ASAH1: variants seen among roughly 807,000 people sequenced by gnomAD.
The protein encoded by ASAH1 is acid ceramidase.
ASAH1 carries 70 observed loss-of-function variants against 59.5 expected under a neutral mutation model. The observed-to-expected ratio is 1.18, with a 90% CI of 0.97 to 1.43. The LOEUF (loss-of-function observed/expected upper bound fraction) is 1.43, where lower values mean the gene tolerates loss of function less well. Among genes scored for constraint, ASAH1 ranks in the 40% most tolerant of loss-of-function variants. The pLI is 0.00. For missense variants in ASAH1, 660 were observed against 482.5 expected (o/e 1.37, Z -3.45); for synonymous variants, 213 against 166.5 (o/e 1.28, Z -2.15).
intron 5 of ASAH1, chr8:18,066,826 C>G (rs1799947492): frequency 4.2e-6 from 1 of 240,884 alleles, no homozygotes; most frequent in Non-Finnish European, 8.0e-6. Context: ...ACCCAAATAC[C>G]CTGTTGATAC....
rs947753778 is a variant in ASAH1 at position 18,057,520 on chromosome 8, G to A, written c.*14C>T. 1.9e-6 allele frequency: 3 copies of A among 1,583,450 alleles called. No homozygotes were observed. The highest frequency in any genetic ancestry group is 2.3e-5 in the East Asian group (1 of 43,468). On this transcript the variant is annotated 3_prime_UTR_variant, in exon 14 of 14. Coordinates refer to ENST00000637790, the MANE Select transcript of ASAH1 (RefSeq NM_177924.5). ...CATGTCTCAGAGGCCGCATTCTGTA[G>A]GCCAGACGTGTGCTCACCAACCTAT...
chr8:18,084,340 C>G, upstream of ASAH1: 1 of 1,416,310 alleles, frequency 7.1e-7, no homozygotes, highest in Non-Finnish European at 9.2e-7. Context: ...CCATCCCCCT[C>G]CCCCACCGCG....
In ASAH1 at chr8:18,083,885, G is replaced by C. The variant is rs972026125; in HGVS notation, c.78+96C>G. 30 of 1,534,224 alleles carry C rather than the reference G, an allele frequency of 2.0e-5. No individual in the cohort carries two copies. In the South Asian group the frequency reaches 2.5e-4, roughly 13 times the overall value. On this transcript the variant is annotated intron_variant, in intron 1 of 13. Transcript: ENST00000637790. ...CCCGTAAAGAAGCTGCCCAGCACGA[G>C]GTGTTCCTTGTACCCGCTCGCGCCG...
chr8:18,069,508 A>C (rs1453780474), intron 4 of ASAH1: 1 of 334,724 alleles, frequency 3.0e-6, no homozygotes, highest in Non-Finnish European at 5.6e-6. Flanking sequence ...TAGTGAACTC[A>C]CTACATAAAG....
In ASAH1 at chr8:18,065,202, A is replaced by C. The variant is rs996780024; in HGVS notation, c.383-671T>G. ...GTTATTTTATTATACATTTATAATA[A>C]TTTATAATAATTATATAAATTTACA... is the stretch of plus-strand genomic sequence containing the variant. On this transcript the variant is annotated intron_variant, in intron 5 of 13. Transcript: ENST00000637790. 10 of 151,476 alleles carry C rather than the reference A, an allele frequency of 6.6e-5. No homozygotes were observed. In the South Asian group the frequency reaches 1.5e-3, roughly 22 times the overall value. 9.4% of individuals were successfully genotyped at this position (151,476 alleles called of 1,614,324 possible).
intron 10 of ASAH1, 65 bp from the exon 11 acceptor site, chr8:18,059,768 A>G: frequency 6.9e-7 from 1 of 1,450,802 alleles, no homozygotes; most frequent in South Asian, 1.3e-5. Context: ...AACTTCATTT[A>G]TTTTTAAATT....
chr8:18,061,263 G>A (rs1044942163), intron 10 of ASAH1, 114 bp downstream of exon 10: 4 of 939,530 alleles, frequency 4.3e-6, no homozygotes, highest in Non-Finnish European at 6.5e-6. Context: ...GTTCACCTAA[G>A]AAATTCTGCA....
At chr8:18,079,179 A>G (rs1377964701) in intron 1 of ASAH1, among the ~76,000 whole-genome samples, 1 of 149,738 alleles carries the variant, frequency 6.7e-6, no homozygotes, top group Non-Finnish European at 1.5e-5. Flanking sequence ...AGGCTGAGGT[A>G]GGAGAATTGC....
intron 5 of ASAH1, 126 bp from the exon 6 acceptor site, chr8:18,064,657 G>C (rs1799857465): frequency 4.6e-6 from 3 of 656,646 alleles, no homozygotes; most frequent in South Asian, 3.6e-5. Flanking sequence ...GGCTGTGCTG[G>C]AACGGCCGGC....
chr8:18,077,293 T>C (rs966616198), intron 1 of ASAH1, among the ~76,000 whole-genome samples: 3 of 152,242 alleles, frequency 2.0e-5, no homozygotes, highest in Non-Finnish European at 4.4e-5. Flanking sequence ...TAAATAACCA[T>C]GAGCTTTAAA....
intron 2 of ASAH1, chr8:18,073,407 G>T: frequency 1.1e-6 from 1 of 937,934 alleles, no homozygotes; most frequent in Non-Finnish European, 1.6e-6. Context: ...GAGACTTAGT[G>T]TTTGCAATGT....
intron 3 of ASAH1, among the ~76,000 whole-genome samples, chr8:18,070,945 T>C (rs1292372708): frequency 6.6e-6 from 1 of 152,164 alleles, no homozygotes; most frequent in African/African-American, 2.4e-5. Context: ...TGGCGGCTCA[T>C]GCCTATAATC....
rs62497596 is a variant in ASAH1, at chr8:18,061,931, G to C, written c.649-191C>G. 0.011 allele frequency: 7,163 copies of C among 665,930 alleles called. 56 individuals are homozygous for C. Among genetic ancestry groups the C allele is most frequent in the Non-Finnish European group, 0.016 (5,918 of 381,726 alleles). 41.3% of individuals were successfully genotyped at this position (665,930 alleles called of 1,614,324 possible). ...TGATTCTAGTATGTGAGATAAGTAG[G>C]TGGGGTATCACTGGCAACGCTTTTT... is the stretch of plus-strand genomic sequence containing the variant. On this transcript the variant is annotated intron_variant, in intron 8 of 13. Transcript: ENST00000637790.
chr8:18,058,293 T>G (rs1295047505), intron 13 of ASAH1: 1 of 156,138 alleles, frequency 6.4e-6, no homozygotes, highest in Non-Finnish European at 1.4e-5. Context: ...TAGGGAGAGC[T>G]GTGGAGAAGG....
chr8:18,057,421 G>A lies in ASAH1; in HGVS notation c.*113C>T. 1.3e-6 allele frequency: 1 copy of A among 754,556 alleles called. No homozygotes were observed. The highest frequency in any genetic ancestry group is 2.2e-6 in the Non-Finnish European group (1 of 445,674). 46.7% of individuals were successfully genotyped at this position (754,556 alleles called of 1,614,324 possible). ...GACGAAGACAAGCTATTGACTCAAA[G>A]AGAACCTGCCGCGAGTCTTAGTCTT... On this transcript the variant is annotated 3_prime_UTR_variant, in exon 14 of 14. Coordinates refer to ENST00000637790, the MANE Select transcript of ASAH1 (RefSeq NM_177924.5).
In ASAH1 at chr8:18,069,866, C is replaced by T. The variant is rs1185666268; in HGVS notation, c.229G>A (p.Val77Met). The change falls in exon 4 of 14, where the codon GTG becomes ATG. Residue 77 changes from valine to methionine, a missense_variant. Coordinates refer to ENST00000637790, the MANE Select transcript of ASAH1 (RefSeq NM_177924.5). ...LDKAPVLKVIVNSLKNMINTF... is the reference protein window; with the variant it reads ...LDKAPVLKVIMNSLKNMINTF... ...TTTATCATATTCTTCAGAGAATTCA[C>T]TATAACCTTTAGCTGAAAAATAAAT... 2.5e-6 allele frequency: 4 copies of T among 1,583,776 alleles called. No homozygotes were observed. In the Admixed American group the frequency reaches 6.7e-5, roughly 26 times the overall value.
intron 2 of ASAH1, among the ~76,000 whole-genome samples, chr8:18,074,974 G>T (rs889329636): frequency 6.6e-6 from 1 of 151,810 alleles, no homozygotes; most frequent in Admixed American, 6.6e-5. Flanking sequence ...GTAGACAGGA[G>T]AATTGAGTGG....
At chr8:18,063,043 T>A in intron 7 of ASAH1, 142 bp downstream of exon 7, 1 of 729,858 alleles carries the variant, frequency 1.4e-6, no homozygotes, top group Non-Finnish European at 2.4e-6. Context: ...CTAATTTTTA[T>A]GTTTTTAGTA....
chr8:18,064,623 G>C (rs1397698045), intron 5 of ASAH1, 92 bp from the exon 6 acceptor site: 1 of 786,530 alleles, frequency 1.3e-6, no homozygotes, highest in African/African-American at 1.7e-5. Context: ...TTTTCATTGT[G>C]TGAGTGTGTG....
Sources: gnomAD v4.1 joint callset for allele counts (sites outside exome capture counted in the v4.1 genomes callset) on GRCh38, gnomAD v4.1.1 for gene constraint, MANE v1.5 for transcripts, NCBI Gene and HGNC (gene_info 2026-07-23, HGNC 2026-07-21) for gene names.